Variants in FBXO21 observed in about 807,000 individuals in gnomAD.
FBXO21 encodes F-box protein 21.
FBXO21 carries 32 observed loss-of-function variants against 76.6 expected under a neutral mutation model. That is an observed-to-expected ratio of 0.42 (90% CI 0.32 to 0.56). The LOEUF is 0.56. Ranked by LOEUF, FBXO21 falls within the 20% of genes least tolerant of loss-of-function variation. FBXO21 has a pLI of 0.16. For missense variants in FBXO21, 586 were observed against 797.3 expected, an observed-to-expected ratio of 0.73 and a Z score of 3.19; for synonymous variants, 328 against 311.5, an observed-to-expected ratio of 1.05 and a Z score of -0.56.
Position 117,190,253 on chromosome 12 carries a change from G to A in FBXO21, c.204C>T (p.Ser68=), listed in dbSNP as rs756069843. ...ACTGCTCCTTCCACACCTTCCCGCT[G>A]CTCTGGCACAGCTCGCGCAGCCGCC... ...TCRRLRELCQ[S]SGKVWKEQFR... is the part of the protein sequence containing the mutation. The change falls in exon 1 of 12, where the codon AGC becomes AGT. Residue 68 remains serine (S), a synonymous_variant. Coordinates refer to ENST00000622495, the MANE Select transcript of FBXO21 (RefSeq NM_015002.3). 3 of 1,545,128 alleles carry A rather than the reference G, an allele frequency of 1.9e-6. No individual in the cohort carries two copies. The highest frequency in any genetic ancestry group is 1.9e-5 in the Admixed American group (1 of 52,370).
At position 117,174,275 on chromosome 12, in the gene FBXO21, AG is replaced by A; in HGVS notation, c.805del (p.Leu269PhefsTer5). 6.2e-7 allele frequency: 1 copy of A among 1,613,708 alleles called. No homozygotes were observed. The highest frequency in any genetic ancestry group is 8.5e-7 in the Non-Finnish European group (1 of 1,179,564). The part of the protein sequence containing the change: ...SQVLDAMNYV[L>X]YDQLKFKGNR... ...CCCCTTGAACTTCAGTTGGTCGTAA[AG>A]GACATAGTTCATGGCATCCAGCACC... On this transcript the variant is annotated frameshift_variant, in exon 6 of 12. Coordinates refer to ENST00000622495, the MANE Select transcript of FBXO21 (RefSeq NM_015002.3). LOFTEE classifies it high-confidence loss of function.
At chr12:117,155,565 A>C (rs2135852214) in intron 11 of FBXO21, 4 of 596,118 alleles carry the variant, frequency 6.7e-6, no homozygotes, top group South Asian at 2.0e-5. Flanking sequence ...GTGGGAGCGG[A>C]GGCCCTGGGG....
intron 3 of FBXO21, among the ~76,000 whole-genome samples, chr12:117,184,234 T>C (rs1161896558): frequency 1.3e-5 from 2 of 152,102 alleles, no homozygotes; most frequent in South Asian, 2.1e-4. Flanking sequence ...AAATACTTTG[T>C]TTGAATCCTA....
intron 1 of FBXO21, 61 bp from the exon 2 acceptor site, chr12:117,189,423 C>T: frequency 6.3e-7 from 1 of 1,597,414 alleles, no homozygotes; most frequent in Non-Finnish European, 8.6e-7. Context: ...GGCCACGAAT[C>T]CAAGGCAGCC....
chr12:117,161,439 C>T (rs1343742284), intron 9 of FBXO21, among the ~76,000 whole-genome samples: 1 of 151,858 alleles, frequency 6.6e-6, no homozygotes. Flanking sequence ...TTCAAGGCAA[C>T]AGGGGAGCCA....
intron 1 of FBXO21, 149 bp from the exon 2 acceptor site, chr12:117,189,511 T>A: frequency 1.4e-6 from 1 of 728,568 alleles, no homozygotes; most frequent in South Asian, 1.7e-5. Context: ...CCCACCAGCA[T>A]TCACTCACTC....
intron 7 of FBXO21, 59 bp from the exon 8 acceptor site, chr12:117,167,136 C>T (rs1404206048): frequency 9.3e-6 from 12 of 1,291,110 alleles, no homozygotes; most frequent in Non-Finnish European, 8.8e-6. Flanking sequence ...TAAGTCTCCA[C>T]AGTAAGTAGC....
chr12:117,187,778 A>T (rs888092758), intron 2 of FBXO21, among the ~76,000 whole-genome samples: 38 of 152,274 alleles, frequency 2.5e-4, no homozygotes, highest in African/African-American at 8.4e-4. Context: ...GTCCATGACC[A>T]ACTGCACCAA....
At chr12:117,177,983 C>T (rs1956191485) in intron 3 of FBXO21, among the ~76,000 whole-genome samples, 1 of 152,162 alleles carries the variant, frequency 6.6e-6, no homozygotes, top group South Asian at 2.1e-4. Context: ...GCTTGGGCCA[C>T]TTGGGCCTGG....
intron 6 of FBXO21, among the ~76,000 whole-genome samples, chr12:117,173,232 T>C (rs930170350): frequency 6.6e-6 from 1 of 152,154 alleles, no homozygotes; most frequent in Non-Finnish European, 1.5e-5. Context: ...GGTTTCGCCA[T>C]GTTGGCCAGG....
At chr12:117,163,224 T>C (rs1280216923) in intron 9 of FBXO21, among the ~76,000 whole-genome samples, 1 of 152,232 alleles carries the variant, frequency 6.6e-6, no homozygotes, top group African/African-American at 2.4e-5. Context: ...AATTTAACTA[T>C]CAAATTTACA....
intron 11 of FBXO21, among the ~76,000 whole-genome samples, chr12:117,153,771 C>T (rs369669213): frequency 1.3e-5 from 2 of 152,192 alleles, no homozygotes; most frequent in African/African-American, 2.4e-5. Flanking sequence ...TGAAGTTCTA[C>T]GTTTTAAATT....
chr12:117,181,624 TCTATCTATCTATCTATCTATCTAATCTAG>T (rs1331707757), intron 3 of FBXO21, among the ~76,000 whole-genome samples: 2 of 151,938 alleles, frequency 1.3e-5, no homozygotes, highest in Non-Finnish European at 2.9e-5. Flanking sequence ...TATCTATCTA[TCTATCTATCTATCTATCTATCTAATCTAG>T]CTATCTATCT....
chr12:117,142,698 CAAAAT>C lies in FBXO21; in HGVS notation c.*3384_*3388del, dbSNP rs1955729206. ...CAAAAAAAAAAAAAAAAAAAAAAGA[CAAAAT>C]AAAAACACGAAGAGCTGCATCTTGA... is the stretch of plus-strand genomic sequence containing the variant. On this transcript the variant is annotated 3_prime_UTR_variant, in exon 12 of 12. Transcript: ENST00000622495. 8.4e-6 allele frequency: 1 copy of C among 118,682 alleles called. No individual in the cohort carries two copies. The highest frequency in any genetic ancestry group is 3.2e-5 in the African/African-American group (1 of 31,492). The allele number at this position is 118,682 out of a possible 1,614,324, so 7.4% of individuals were successfully genotyped here. A position where few individuals can be genotyped will look rare whatever the true frequency, so the allele number is the denominator to read the frequency against.
chr12:117,150,956 TTGTGTGTGTGTGTGTGTGTGTG>T (rs3999685), intron 11 of FBXO21, among the ~76,000 whole-genome samples: 4 of 94,714 alleles, frequency 4.2e-5, no homozygotes, highest in East Asian at 3.1e-4. Flanking sequence ...TCAAATAAGT[TTGTGTGTGTGTGTGTGTGTGTG>T]TGTGTGTGTG....
In FBXO21 at chr12:117,166,981, G is replaced by A. The variant is rs373063082; in HGVS notation, c.1110C>T (p.His370=). The A allele has an allele frequency of 1.4e-5, 22 of 1,613,912 alleles. No individual in the cohort carries two copies. The highest frequency in any genetic ancestry group is 9.3e-5 in the African/African-American group (7 of 74,900). ...VKECEYLIGQ[H]VTAALYGVVN... ...CCACCCCATACAGTGCTGCAGTCAC[G>A]TGCTGGCCGATCAAGTACTCGCATT... is the stretch of plus-strand genomic sequence containing the variant. Residue 370 remains histidine (H), a synonymous_variant, in exon 8 of 12, where the codon CAC becomes CAT. Transcript: ENST00000622495.
intron 2 of FBXO21, chr12:117,188,756 T>C (rs1334711933): frequency 6.4e-6 from 1 of 156,574 alleles, no homozygotes; most frequent in Admixed American, 6.2e-5. Context: ...AATCCTCTGT[T>C]ACCTTAACAA....
At chr12:117,166,051 G>A (rs544359667) in intron 8 of FBXO21, among the ~76,000 whole-genome samples, 48 of 152,136 alleles carry the variant, frequency 3.2e-4, no homozygotes, top group Non-Finnish European at 5.4e-4. Flanking sequence ...TTAGCTGGGC[G>A]TGGTGGCGCA....
In FBXO21 at chr12:117,146,041, T is replaced by C. The variant is rs1313077437; in HGVS notation, c.*46A>G. ...CGTCTTCTTCCGGAGTCCCGTTCTC[T>C]TGGAAGATAGCAGCAGCAGCAAAGG... On this transcript the variant is annotated 3_prime_UTR_variant, in exon 12 of 12. Transcript: ENST00000622495. The C allele has an allele frequency of 1.4e-6, 2 of 1,478,388 alleles. No individual in the cohort carries two copies. The highest frequency in any genetic ancestry group is 1.8e-6 in the Non-Finnish European group (2 of 1,101,656). The allele number at this position is 1,478,388 out of a possible 1,614,324, so 91.6% of individuals were successfully genotyped here. A position where few individuals can be genotyped will look rare whatever the true frequency, so the allele number is the denominator to read the frequency against.
Sources: gnomAD v4.1 joint callset for allele counts (sites outside exome capture counted in the v4.1 genomes callset) on GRCh38, gnomAD v4.1.1 for gene constraint, MANE v1.5 for transcripts, NCBI Gene and HGNC (gene_info 2026-07-23, HGNC 2026-07-21) for gene names.